Variants in TSHZ2 observed in about 807,000 individuals in gnomAD.
The protein encoded by TSHZ2 is teashirt zinc finger homeobox 2, also known as teashirt homolog 2.
TSHZ2 carries 21 observed loss-of-function variants against 74.4 expected under a neutral mutation model. That is an observed-to-expected ratio of 0.28 (90% CI 0.20 to 0.41). TSHZ2 has a LOEUF of 0.41. Among genes scored for constraint, TSHZ2 ranks in the 10% least tolerant of loss-of-function variants. The pLI is 1.00. For missense variants in TSHZ2, 1,244 were observed against 1,293.5 expected (o/e 0.96, Z 0.59); for synonymous variants, 540 against 515.3 (o/e 1.05, Z -0.65).
chr20:53,189,865 C>G (rs1260317296), intron 1 of TSHZ2, among the ~76,000 whole-genome samples: 2 of 151,762 alleles, frequency 1.3e-5, no homozygotes, highest in East Asian at 3.9e-4. Flanking sequence ...GGGCAGATTG[C>G]TTAAGCTTGG....
chr20:53,365,971 G>A (rs1164853579), intron 2 of TSHZ2, among the ~76,000 whole-genome samples: 8 of 152,130 alleles, frequency 5.3e-5, no homozygotes, highest in Admixed American at 3.3e-4. Context: ...CCTCAACCTT[G>A]GAGATTGTTT....
chr20:53,185,642 A>G, intron 1 of TSHZ2: 1 of 1,536,044 alleles, frequency 6.5e-7, no homozygotes, highest in Non-Finnish European at 8.7e-7. Flanking sequence ...AAAAGAAAGA[A>G]AAGATGATGG....
intron 2 of TSHZ2, among the ~76,000 whole-genome samples, chr20:53,448,686 T>C (rs1327424717): frequency 5.9e-5 from 9 of 152,228 alleles, no homozygotes; most frequent in African/African-American, 1.9e-4. Context: ...GTAGGAGGCA[T>C]ACAGCTCCTT....
chr20:53,153,799 T>C (rs1987729809), intron 1 of TSHZ2, among the ~76,000 whole-genome samples: 1 of 152,186 alleles, frequency 6.6e-6, no homozygotes. Flanking sequence ...ACCACTTATT[T>C]AGTCCGTGGT....
At chr20:53,192,106 C>T (rs754500268) in intron 1 of TSHZ2, among the ~76,000 whole-genome samples, 41 of 152,214 alleles carry the variant, frequency 2.7e-4, no homozygotes, top group Non-Finnish European at 5.4e-4. Flanking sequence ...ATATTATTAA[C>T]TTGGTTTTAT....
chr20:53,485,484 G>A lies in TSHZ2; in HGVS notation c.*9-1660G>A, dbSNP rs11905396. Among the ~76,000 whole-genome samples the A allele has an allele frequency of 2.5e-3, 382 of 152,196 alleles. 3 individuals are homozygous for A. The highest frequency in any genetic ancestry group is 8.6e-3 in the African/African-American group (357 of 41,508). ...AGCTCTTTGGGAGGCTGAGGCAGGC[G>A]GATCACTTGAGGTCAGGAGTTCAAG... is the stretch of plus-strand genomic sequence containing the variant. On this transcript the variant is annotated intron_variant, in intron 2 of 2. Transcript: ENST00000371497.
intron 1 of TSHZ2, among the ~76,000 whole-genome samples, chr20:52,990,394 A>T (rs1981935575): frequency 1.3e-5 from 2 of 151,938 alleles, no homozygotes; most frequent in East Asian, 1.9e-4. Flanking sequence ...CTGAACGTAA[A>T]TAAAATATAT....
Position 53,254,234 on chromosome 20 carries a change from G to A in TSHZ2, c.776G>A (p.Arg259Lys). The A allele has an allele frequency of 6.2e-7, 1 of 1,614,128 alleles. No homozygotes were observed. The highest frequency in any genetic ancestry group is 8.5e-7 in the Non-Finnish European group (1 of 1,180,032). Residue 259 changes from arginine to lysine, a missense_variant, in exon 2 of 3, where the codon AGG becomes AAG. By Grantham distance (26) the Arg-to-Lys change is conservative. Around this residue, in one of 6 missense-constraint regions of TSHZ2, gnomAD observed 470 missense variants for 456.5 expected, o/e 1.03. Coordinates refer to ENST00000371497, the MANE Select transcript of TSHZ2 (RefSeq NM_173485.6). The stretch of plus-strand genomic sequence containing the variant: ...AGACCCACGAGCTATTCAAAGCCCA[G>A]GAAAAGGGCTTTCCAGGATATGGAC... ...KLRPTSYSKP[R>K]KRAFQDMDKE...
At position 53,102,878 on chromosome 20, in the gene TSHZ2, T is replaced by C. The variant is rs117593238; in HGVS notation, c.40+129545T>C. On this transcript the variant is annotated intron_variant, in intron 1 of 2. Transcript: ENST00000371497. Reference sequence around the variant, plus strand: ...TTATGACCAGCATCTTTCTTTTTTTTTTTTATTATACTTTAAGTTTTAGGG... The same window carrying C: ...TTATGACCAGCATCTTTCTTTTTTTCTTTTATTATACTTTAAGTTTTAGGG... Among the ~76,000 whole-genome samples, 998 of 148,966 alleles carry C rather than the reference T, an allele frequency of 6.7e-3. 16 individuals are homozygous for C. The highest frequency in any genetic ancestry group is 0.027 in the East Asian group (140 of 5,164).
intron 2 of TSHZ2, among the ~76,000 whole-genome samples, chr20:53,314,538 A>G: frequency 6.6e-6 from 1 of 151,808 alleles, no homozygotes; most frequent in South Asian, 2.1e-4. Flanking sequence ...CCTCAGCCAC[A>G]TACCTGGTGC....
At chr20:53,093,425 C>T (rs1985946138) in intron 1 of TSHZ2, among the ~76,000 whole-genome samples, 1 of 152,222 alleles carries the variant, frequency 6.6e-6, no homozygotes, top group African/African-American at 2.4e-5. Context: ...GTTTCCCACG[C>T]CTTTCACTAT....
intron 1 of TSHZ2, among the ~76,000 whole-genome samples, chr20:53,137,784 T>C (rs1385997447): frequency 6.6e-6 from 1 of 152,208 alleles, no homozygotes; most frequent in Non-Finnish European, 1.5e-5. Flanking sequence ...CCTGATCATG[T>C]AGTTCCAAAA....
intron 2 of TSHZ2, among the ~76,000 whole-genome samples, chr20:53,412,354 C>T (rs888214530): frequency 3.9e-5 from 6 of 152,232 alleles, no homozygotes; most frequent in African/African-American, 1.2e-4. Context: ...TGGTTCCCAG[C>T]CTGTGTGCTC....
In TSHZ2 at chr20:53,115,750, C is replaced by T. The variant is rs570624712; in HGVS notation, c.41-137749C>T. 3.9e-4 allele frequency among the ~76,000 whole-genome samples: 60 copies of T among 152,158 alleles called. No individual in the cohort carries two copies. The Middle Eastern group carries it at 0.01, about 26-fold the overall frequency. On this transcript the variant is annotated intron_variant, in intron 1 of 2. Transcript: ENST00000371497. ...GGCAAAACAAGGTGAGAGAATGAGT[C>T]TGGTGAGAGGAGAGGAAGCACATTC...
intron 1 of TSHZ2, among the ~76,000 whole-genome samples, chr20:53,162,577 C>T (rs183362383): frequency 6.6e-6 from 1 of 152,290 alleles, no homozygotes; most frequent in East Asian, 1.9e-4. Context: ...AGTTACCTTC[C>T]ACTGCCAGTG....
At chr20:53,143,372 C>T (rs1987456435) in intron 1 of TSHZ2, among the ~76,000 whole-genome samples, 1 of 152,196 alleles carries the variant, frequency 6.6e-6, no homozygotes, top group Non-Finnish European at 1.5e-5. Flanking sequence ...ACTCCCCATG[C>T]CCCTGAGAAA....
intron 1 of TSHZ2, among the ~76,000 whole-genome samples, chr20:53,055,883 G>A (rs939146969): frequency 6.6e-6 from 1 of 152,172 alleles, no homozygotes; most frequent in Admixed American, 6.5e-5. Context: ...GGCTGCTTTT[G>A]TGCTACCCCA....
At chr20:53,481,885 C>T (rs1224806725) in intron 2 of TSHZ2, among the ~76,000 whole-genome samples, 1 of 152,072 alleles carries the variant, frequency 6.6e-6, no homozygotes, top group Non-Finnish European at 1.5e-5. Flanking sequence ...GGGTGGATCT[C>T]CTGAGGTCGG....
chr20:53,348,829 A>G (rs911855987), intron 2 of TSHZ2, among the ~76,000 whole-genome samples: 1 of 152,242 alleles, frequency 6.6e-6, no homozygotes, highest in African/African-American at 2.4e-5. Context: ...CTCTCCTGGG[A>G]GGATGAAACA....
Sources: gnomAD v4.1 joint callset for allele counts (sites outside exome capture counted in the v4.1 genomes callset) on GRCh38, gnomAD v4.1.1 for gene constraint, gnomAD v4.1.1 regional missense constraint, MANE v1.5 for transcripts, NCBI Gene and HGNC (gene_info 2026-07-23, HGNC 2026-07-21) for gene names.